Variants in ADGRL2 observed in about 807,000 individuals in gnomAD.
ADGRL2 encodes the protein calcium-independent alpha-latrotoxin receptor 2.
A neutral mutation model predicts 157.4 loss-of-function variants in ADGRL2; 44 were observed. The ratio of observed to expected loss-of-function variants is 0.28; its 90% CI spans 0.22 to 0.36. ADGRL2 has a LOEUF of 0.36. Ranked by LOEUF, ADGRL2 falls within the 10% of genes least tolerant of loss-of-function variation. The pLI is 1.00. For missense variants in ADGRL2, 1,510 were observed against 1,768.9 expected, an observed-to-expected ratio of 0.85 and a Z score of 2.63; for synonymous variants, 585 against 624.7, an observed-to-expected ratio of 0.94 and a Z score of 0.95.
At chr1:81,903,819 A>G (rs1475128833) in intron 2 of ADGRL2, among the ~76,000 whole-genome samples, 1 of 143,750 alleles carries the variant, frequency 7.0e-6, no homozygotes, top group African/African-American at 2.5e-5. Flanking sequence ...ATATACACAC[A>G]CACACACACA....
chr1:81,651,268 G>GA (rs199925195), intron 3 of ADGRL2, among the ~76,000 whole-genome samples: 1,703 of 150,824 alleles, frequency 0.011, 25 homozygotes, highest in South Asian at 0.052. Context: ...ACAAGAATTA[G>GA]AAAAAAAAAT....
At chr1:81,571,007 A>G (rs545174626) in intron 2 of ADGRL2, among the ~76,000 whole-genome samples, 1 of 152,244 alleles carries the variant, frequency 6.6e-6, no homozygotes, top group Non-Finnish European at 1.5e-5. Context: ...ACTGTATTCC[A>G]ATAAAACTTT....
intron 2 of ADGRL2, among the ~76,000 whole-genome samples, chr1:81,466,676 C>CGT (rs143018020): frequency 0.36 from 32,180 of 90,448 alleles, 4,741 homozygotes; most frequent in East Asian, 0.79. Context: ...CTCTCACGCG[C>CGT]GCGCACACAC....
At chr1:81,673,993 C>A (rs1402002055) in intron 3 of ADGRL2, among the ~76,000 whole-genome samples, 3 of 152,110 alleles carry the variant, frequency 2.0e-5, no homozygotes, top group Non-Finnish European at 2.9e-5. Context: ...TCAGAAATGA[C>A]CCATGTAAAT....
Position 81,991,083 on chromosome 1 carries a change from G to A in ADGRL2, c.4348G>A (p.Glu1450Lys). ...SDGYIIPINK[E>K]GCIPEGDVRE... ...TGGTTATATAATCCCCATTAACAAAGAAGGGTGTATTCCAGAAGGAGATGT... is the reference window on the plus strand; with the variant it reads ...TGGTTATATAATCCCCATTAACAAAAAAGGGTGTATTCCAGAAGGAGATGT... Residue 1450 changes from glutamate (E) to lysine (K), a missense_variant, in exon 24 of 24, where the codon GAA becomes AAA. By Grantham distance (56) the Glu-to-Lys change is moderately conservative. Transcript: ENST00000686636. 4 of 1,613,190 alleles carry A rather than the reference G, an allele frequency of 2.5e-6. No homozygotes were observed. The highest frequency in any genetic ancestry group is 3.4e-6 in the Non-Finnish European group (4 of 1,179,680).
chr1:81,657,930 C>A (rs747326065), intron 3 of ADGRL2, among the ~76,000 whole-genome samples: 2 of 151,850 alleles, frequency 1.3e-5, no homozygotes, highest in Admixed American at 6.6e-5. Flanking sequence ...TGTAAGGAGA[C>A]GTAAATTACT....
rs956914951 is a variant in ADGRL2, at chr1:81,432,658, T to G, written c.-301-12378T>G. 4.0e-4 allele frequency among the ~76,000 whole-genome samples: 61 copies of G among 152,290 alleles called. 1 individual carries two copies. The highest frequency in any genetic ancestry group is 1.4e-3 in the African/African-American group (57 of 41,568). ...TACTGAGACCATGCCTGTTTCATCT[T>G]CCTGCCCCCCTCCTCGGCGCCGCTC... On this transcript the variant is annotated intron_variant, in intron 1 of 24. Transcript: ENST00000370721.
chr1:81,924,947 C>T (rs902266858), intron 3 of ADGRL2, among the ~76,000 whole-genome samples: 2 of 151,978 alleles, frequency 1.3e-5, no homozygotes, highest in Non-Finnish European at 2.9e-5. Context: ...CACATACTTG[C>T]TAACAACATT....
intron 2 of ADGRL2, among the ~76,000 whole-genome samples, chr1:81,567,354 G>A (rs1478543703): frequency 6.6e-6 from 1 of 152,054 alleles, no homozygotes; most frequent in East Asian, 1.9e-4. Context: ...GGACAACACA[G>A]GTATAAAACA....
At chr1:81,578,578 A>T (rs1416023251) in intron 2 of ADGRL2, among the ~76,000 whole-genome samples, 4 of 152,166 alleles carry the variant, frequency 2.6e-5, no homozygotes, top group African/African-American at 9.6e-5. Flanking sequence ...TTACACCTTC[A>T]TTAGAATATC....
At chr1:81,443,039 C>A (rs1289419915) in intron 1 of ADGRL2, among the ~76,000 whole-genome samples, 1 of 152,116 alleles carries the variant, frequency 6.6e-6, no homozygotes, top group East Asian at 1.9e-4. Flanking sequence ...TTTACAAAAT[C>A]TTTAAATTCA....
At chr1:81,604,691 C>T (rs1204600976) in intron 3 of ADGRL2, among the ~76,000 whole-genome samples, 1 of 152,024 alleles carries the variant, frequency 6.6e-6, no homozygotes, top group Admixed American at 6.6e-5. Context: ...TTTGAGAGTC[C>T]AGGTACCATG....
chr1:81,847,821 A>C (rs1186555106), intron 2 of ADGRL2, among the ~76,000 whole-genome samples: 1 of 151,944 alleles, frequency 6.6e-6, no homozygotes, highest in African/African-American at 2.4e-5. Flanking sequence ...AAAGTCATGT[A>C]ATGCAAAGTG....
chr1:81,819,499 C>T (rs968357601), intron 1 of ADGRL2, among the ~76,000 whole-genome samples: 1 of 152,034 alleles, frequency 6.6e-6, no homozygotes, highest in Non-Finnish European at 1.5e-5. Context: ...TATATTTTTT[C>T]TTCCTTTTAA....
chr1:81,364,858 T>G (rs2076038870), intron 1 of ADGRL2, among the ~76,000 whole-genome samples: 1 of 152,040 alleles, frequency 6.6e-6, no homozygotes, highest in Non-Finnish European at 1.5e-5. Flanking sequence ...GGGATGGGGT[T>G]TTACCATGTT....
intron 1 of ADGRL2, among the ~76,000 whole-genome samples, chr1:81,370,780 C>G (rs2076148546): frequency 6.6e-6 from 1 of 152,038 alleles, no homozygotes; most frequent in African/African-American, 2.4e-5. Flanking sequence ...TGATTTTGCC[C>G]CATGTGCTTT....
At chr1:81,961,278 G>A (rs1449965253) in intron 11 of ADGRL2, among the ~76,000 whole-genome samples, 1 of 151,944 alleles carries the variant, frequency 6.6e-6, no homozygotes, top group Non-Finnish European at 1.5e-5. Flanking sequence ...CCACATATTG[G>A]TATTTTACCA....
In ADGRL2 at chr1:81,383,079, A is replaced by G. The variant is rs77031453; in HGVS notation, c.-301-61957A>G. 3.0e-3 allele frequency among the ~76,000 whole-genome samples: 464 copies of G among 152,256 alleles called. 1 individual carries two copies. The highest frequency in any genetic ancestry group is 0.011 in the African/African-American group (442 of 41,548). Reference sequence around the variant, plus strand: ...AGGGTAGACAAGTTAGCAAGTTTGCACTATTGTTCTCATACACACATCGTG... The same window carrying G: ...AGGGTAGACAAGTTAGCAAGTTTGCGCTATTGTTCTCATACACACATCGTG... On this transcript the variant is annotated intron_variant, in intron 1 of 24. Transcript: ENST00000370721.
intron 1 of ADGRL2, among the ~76,000 whole-genome samples, chr1:81,753,407 C>T (rs992488851): frequency 1.3e-5 from 2 of 152,204 alleles, no homozygotes; most frequent in African/African-American, 2.4e-5. Flanking sequence ...CATCTCCCAC[C>T]GGGTCCCTCC....
Sources: allele counts gnomAD v4.1 joint callset (sites outside exome capture counted in the v4.1 genomes callset), GRCh38; gene constraint gnomAD v4.1.1; transcripts MANE v1.5; gene names NCBI Gene and HGNC (gene_info 2026-07-23, HGNC 2026-07-21).